Variants in PHYHD1 observed in about 807,000 individuals in gnomAD.
The protein encoded by PHYHD1 is phytanoyl-CoA dioxygenase domain containing 1.
A neutral mutation model predicts 43.6 loss-of-function variants in PHYHD1; 42 were observed. That is an observed-to-expected ratio of 0.96 (90% CI 0.75 to 1.25). The LOEUF (loss-of-function observed/expected upper bound fraction) is 1.25. Ranked by LOEUF, PHYHD1 falls within the 50% of genes most tolerant of loss-of-function variation. The probability of loss-of-function intolerance (pLI) is 0.00; values close to 1 mark genes in which losing one functional copy is unlikely to be tolerated. For missense variants in PHYHD1, 342 were observed against 370.8 expected (o/e 0.92, Z 0.64); for synonymous variants, 139 against 143.6 (o/e 0.97, Z 0.23).
At chr9:128,927,462 G>A (rs778294482) in intron 4 of PHYHD1, among the ~76,000 whole-genome samples, 26 of 151,586 alleles carry the variant, frequency 1.7e-4, no homozygotes, top group Admixed American at 3.9e-4. Context: ...TGCAACCTCC[G>A]CCTCCCGGGT....
At chr9:128,930,726 GA>G (rs905481044) in intron 4 of PHYHD1, among the ~76,000 whole-genome samples, 51 of 152,066 alleles carry the variant, frequency 3.4e-4, no homozygotes, top group Non-Finnish European at 8.8e-5. Context: ...GAGGCGGGGG[GA>G]TCACAAGGTC....
At chr9:128,923,943 C>T (rs376930699) in intron 3 of PHYHD1, among the ~76,000 whole-genome samples, 2 of 152,202 alleles carry the variant, frequency 1.3e-5, no homozygotes, top group East Asian at 1.9e-4. Flanking sequence ...CATGGCGGAA[C>T]CCTGTCTCTA....
At position 128,921,361 on chromosome 9, in the gene PHYHD1, C is replaced by T. The variant is rs903538868; in HGVS notation, c.-467C>T. The stretch of plus-strand genomic sequence containing the variant: ...TCGCCCAGGCTCTAGTGCAGTGGCC[C>T]AATCTCGGCTCACTGCAAGCTCCGC... On this transcript the variant is annotated 5_prime_UTR_variant, in exon 1 of 13. Coordinates refer to ENST00000372592, the MANE Select transcript of PHYHD1 (RefSeq NM_001100876.2). 1.3e-5 allele frequency: 2 copies of T among 151,874 alleles called. No individual in the cohort carries two copies. Among genetic ancestry groups the T allele is most frequent in the African/African-American group, 4.8e-5 (2 of 41,336 alleles). The allele number at this position is 151,874 out of a possible 1,614,324, so 9.4% of individuals were successfully genotyped here. A position where few individuals can be genotyped will look rare whatever the true frequency, so the allele number is the denominator to read the frequency against.
chr9:128,937,640 G>A, intron 8 of PHYHD1, 117 bp from the exon 9 acceptor site: 1 of 1,204,108 alleles, frequency 8.3e-7, no homozygotes, highest in Non-Finnish European at 1.2e-6. Context: ...GGGTGTTGAT[G>A]TGGAATCCTG....
intron 6 of PHYHD1, among the ~76,000 whole-genome samples, chr9:128,935,266 T>C (rs1275453344): frequency 1.3e-5 from 2 of 152,196 alleles, no homozygotes; most frequent in East Asian, 1.9e-4. Flanking sequence ...AGAATGCTTA[T>C]TGTTAAGCCT....
chr9:128,936,482 C>T lies in PHYHD1; in HGVS notation c.351C>T (p.Ile117=), dbSNP rs1841425452. ...CCCACGACCCCGTCTTCAAGAGCATCACACACTCCTTCAAGGTGCAGGTGA... is the reference window on the plus strand; with the variant it reads ...CCCACGACCCCGTCTTCAAGAGCATTACACACTCCTTCAAGGTGCAGGTGA... ...LHAHDPVFKS[I]THSFKVQTLA... is the part of the protein sequence containing the mutation. Residue 117 remains isoleucine, a synonymous_variant, in exon 7 of 13, where the codon ATC becomes ATT. Coordinates refer to ENST00000372592, the MANE Select transcript of PHYHD1 (RefSeq NM_001100876.2). 2 of 1,613,798 alleles carry T rather than the reference C, an allele frequency of 1.2e-6. No homozygotes were observed. Among genetic ancestry groups the T allele is most frequent in the African/African-American group, 2.7e-5 (2 of 75,028 alleles).
intron 3 of PHYHD1, among the ~76,000 whole-genome samples, 199 bp downstream of exon 3, chr9:128,922,555 G>A (rs951051110): frequency 2.0e-5 from 3 of 152,206 alleles, no homozygotes; most frequent in Non-Finnish European, 2.9e-5. Flanking sequence ...AGGACCCAGG[G>A]TAGGGTGGGG....
In PHYHD1 at chr9:128,940,617, T is replaced by C; in HGVS notation, c.605T>C (p.Met202Thr). 6.2e-7 allele frequency: 1 copy of C among 1,614,086 alleles called. No homozygotes were observed. The change falls in exon 11 of 13, where the codon ATG (methionine) becomes ACG (threonine). Residue 202 changes from methionine to threonine, a missense_variant. By Grantham distance (81) the Met-to-Thr change is moderately conservative. Coordinates refer to ENST00000372592, the MANE Select transcript of PHYHD1 (RefSeq NM_001100876.2). ...GSHTSGVSRR[M>T]VRAPVGSAPG... is the part of the protein sequence containing the mutation. ...CCTGCAGGTGGTGTGTCAAGAAGGA[T>C]GGTCCGGGCCCCTGTTGGCTCAGCG...
rs1448276810 is a variant in PHYHD1, at chr9:128,926,731, C to T, written c.34-307C>T. On this transcript the variant is annotated intron_variant, in intron 3 of 12. Coordinates refer to ENST00000372592, the MANE Select transcript of PHYHD1 (RefSeq NM_001100876.2). ...GCACCACCATGCCCAGCTAACCATG[C>T]CCTGGCTGGTTTGAGACCAGCCAGG... 4.3e-5 allele frequency: 17 copies of T among 393,686 alleles called. No individual in the cohort carries two copies. The East Asian group carries it at 8.7e-4, about 20-fold the overall frequency. 24.4% of individuals were successfully genotyped at this position (393,686 alleles called of 1,614,324 possible).
chr9:128,936,165 G>A (rs1477405063), intron 6 of PHYHD1, among the ~76,000 whole-genome samples: 1 of 151,836 alleles, frequency 6.6e-6, no homozygotes, highest in Admixed American at 6.6e-5. Context: ...AGATTGCTCC[G>A]CATGATTGGT....
At chr9:128,937,911 G>C in intron 9 of PHYHD1, 133 bp downstream of exon 9, 1 of 1,546,752 alleles carries the variant, frequency 6.5e-7, no homozygotes, top group East Asian at 2.4e-5. Context: ...GAGAGGAGGA[G>C]CCACCTTCCA....
chr9:128,940,776 A>G, intron 11 of PHYHD1, 61 bp downstream of exon 11: 1 of 1,551,076 alleles, frequency 6.4e-7, no homozygotes, highest in Non-Finnish European at 8.8e-7. Flanking sequence ...TGCTTGCTCG[A>G]CTACCCAGCG....
At position 128,940,234 on chromosome 9, in the gene PHYHD1, G is replaced by A. The variant is rs2131119867; in HGVS notation, c.458-135G>A. The A allele has an allele frequency of 3.7e-6, 5 of 1,357,428 alleles. No individual in the cohort carries two copies. The South Asian group carries it at 6.9e-5, about 19-fold the overall frequency. The allele number at this position is 1,357,428 out of a possible 1,614,324, so 84.1% of individuals were successfully genotyped here. A position where few individuals can be genotyped will look rare whatever the true frequency, so the allele number is the denominator to read the frequency against. Reference sequence around the variant, plus strand: ...TTGCCTTAGAGTCCTGGGCCAGGAAGTGATGAGATTCTAACTGATCATGGG... The same window carrying A: ...TTGCCTTAGAGTCCTGGGCCAGGAAATGATGAGATTCTAACTGATCATGGG... On this transcript the variant is annotated intron_variant, in intron 9 of 12. Coordinates refer to ENST00000372592, the MANE Select transcript of PHYHD1 (RefSeq NM_001100876.2).
intron 8 of PHYHD1, among the ~76,000 whole-genome samples, chr9:128,937,264 A>G (rs1254273596): frequency 1.3e-5 from 2 of 152,000 alleles, no homozygotes; most frequent in Non-Finnish European, 2.9e-5. Flanking sequence ...AAAGGAAGAA[A>G]AAAAAAAAGA....
At position 128,921,934 on chromosome 9, in the gene PHYHD1, A is replaced by G; in HGVS notation, c.-155A>G. Reference sequence around the variant, plus strand: ...CCTGCATCCCATTCTATCCAGATTGAGGCCTAGAGAGAGGCAGGCGTTCCT... The same window carrying G: ...CCTGCATCCCATTCTATCCAGATTGGGGCCTAGAGAGAGGCAGGCGTTCCT... On this transcript the variant is annotated 5_prime_UTR_variant, in exon 2 of 13. Transcript: ENST00000372592. 1 of 237,636 alleles carries G rather than the reference A, an allele frequency of 4.2e-6. No homozygotes were observed. Among genetic ancestry groups the G allele is most frequent in the Non-Finnish European group, 8.2e-6 (1 of 121,774 alleles). 14.7% of individuals were successfully genotyped at this position (237,636 alleles called of 1,614,324 possible).
At chr9:128,940,806 GGT>G in intron 11 of PHYHD1, 91 bp downstream of exon 11, 1 of 1,270,192 alleles carries the variant, frequency 7.9e-7, no homozygotes, top group Non-Finnish European at 1.1e-6. Context: ...TTGCCCTCGG[GGT>G]CATCTGAGGG....
chr9:128,936,772 G>A (rs1266724469), intron 8 of PHYHD1, 127 bp downstream of exon 8: 33 of 1,120,012 alleles, frequency 2.9e-5, no homozygotes, highest in Middle Eastern at 2.6e-4. Flanking sequence ...ATGGAAAATC[G>A]GTCTCCTCTG....
intron 3 of PHYHD1, among the ~76,000 whole-genome samples, chr9:128,923,343 C>A (rs1023935324): frequency 6.6e-6 from 1 of 152,192 alleles, no homozygotes; most frequent in Non-Finnish European, 1.5e-5. Flanking sequence ...TTCCAAAGTG[C>A]TGGGACAACA....
intron 3 of PHYHD1, chr9:128,926,790 C>G: frequency 1.8e-6 from 1 of 559,490 alleles, no homozygotes; most frequent in Non-Finnish European, 3.5e-6. Flanking sequence ...AGTTATTGCC[C>G]GCCTCAGCCT....
Sources: gnomAD v4.1 joint callset for allele counts (sites outside exome capture counted in the v4.1 genomes callset) on GRCh38, gnomAD v4.1.1 for gene constraint, MANE v1.5 for transcripts, NCBI Gene and HGNC (gene_info 2026-07-23, HGNC 2026-07-21) for gene names.